The following KNOP1 variants were observed in gnomAD, a reference collection of about 807,000 sequenced individuals.
The protein encoded by KNOP1 is lysine rich nucleolar protein 1.
In KNOP1, 20 loss-of-function variants were observed where a neutral mutation model predicts 30.6. The ratio of observed to expected loss-of-function variants is 0.65; its 90% CI spans 0.46 to 0.95. The LOEUF (loss-of-function observed/expected upper bound fraction) is 0.95, where lower values mean the gene tolerates loss of function less well. Ranked by LOEUF, KNOP1 falls within the 40% of genes least tolerant of loss-of-function variation. The pLI, the probability that KNOP1 is intolerant of heterozygous loss-of-function variation, is 0.00. For synonymous variants in KNOP1, 204 were observed against 210.0 expected (o/e 0.97, Z 0.25); for missense variants, 540 against 562.0 (o/e 0.96, Z 0.40).
At chr16:19,716,936 G>A (rs1278153052) in intron 1 of KNOP1, among the ~76,000 whole-genome samples, 3 of 152,176 alleles carry the variant, frequency 2.0e-5, no homozygotes, top group Admixed American at 1.3e-4. Flanking sequence ...TCCACCTCCC[G>A]GGTTCAAGCA....
intron 3 of KNOP1, 107 bp downstream of exon 3, chr16:19,711,265 T>G: frequency 1.8e-6 from 2 of 1,114,016 alleles, no homozygotes; most frequent in Non-Finnish European, 2.7e-6. Flanking sequence ...CTGGAGTCCC[T>G]GGTGCCCCTG....
At position 19,705,015 on chromosome 16, in the gene KNOP1, G is replaced by A. The variant is rs898202464; in HGVS notation, c.*1895C>T. The A allele has an allele frequency of 2.8e-6, 1 of 361,478 alleles. No individual in the cohort carries two copies. The highest frequency in any genetic ancestry group is 2.1e-5 in the African/African-American group (1 of 46,946). 22.4% of individuals were successfully genotyped at this position (361,478 alleles called of 1,614,324 possible). A position where few individuals can be genotyped will look rare whatever the true frequency, so the allele number is the denominator to read the frequency against. On this transcript the variant is annotated 3_prime_UTR_variant, in exon 5 of 5. Coordinates refer to ENST00000219837, the MANE Select transcript of KNOP1 (RefSeq NM_001012991.3). ...AATCACCAGCCTTCCCATGACAGGG[G>A]CGGGTGCAGCTATGGGCAGATGACT...
chr16:19,714,045 A>G (rs775565510), intron 2 of KNOP1, 73 bp downstream of exon 2: 121 of 1,311,676 alleles, frequency 9.2e-5, no homozygotes, highest in Non-Finnish European at 1.2e-4. Context: ...ACATGCACAC[A>G]CGCCTACACA....
chr16:19,714,574 T>A lies in KNOP1; in HGVS notation c.462A>T (p.Glu154Asp). The stretch of plus-strand genomic sequence containing the variant: ...CTGTGGGGTCCTGGGCCCCCTTTTT[T>A]TCCTTCTTGTGTTTTTTGAGCTTCT... ...VGKKLKKHKK[E>D]KKGAQDPTAF... Residue 154 changes from glutamate to aspartate, a missense_variant, in exon 2 of 5, where the codon GAA becomes GAT. Transcript: ENST00000219837. 6.2e-7 allele frequency: 1 copy of A among 1,614,104 alleles called. No individual in the cohort carries two copies. The highest frequency in any genetic ancestry group is 1.6e-4 in the Middle Eastern group (1 of 6,062).
Position 19,711,298 on chromosome 16 carries a change from C to G in KNOP1, c.987+74G>C, listed in dbSNP as rs962273157. On this transcript the variant is annotated intron_variant, in intron 3 of 4. Coordinates refer to ENST00000219837, the MANE Select transcript of KNOP1 (RefSeq NM_001012991.3). ...CTGAGACCAGGATCACCTAGCCAGCCTGGCAGGCAGCAAGTGAGACTCCAA... is the reference window on the plus strand; with the variant it reads ...CTGAGACCAGGATCACCTAGCCAGCGTGGCAGGCAGCAAGTGAGACTCCAA... 4.2e-5 allele frequency: 62 copies of G among 1,488,896 alleles called. 1 individual carries two copies. In the Middle Eastern group the frequency reaches 1.3e-3, roughly 31 times the overall value. 92.2% of individuals were successfully genotyped at this position (1,488,896 alleles called of 1,614,324 possible). A position where few individuals can be genotyped will look rare whatever the true frequency, so the allele number is the denominator to read the frequency against.
At position 19,707,038 on chromosome 16, in the gene KNOP1, G is replaced by A. The variant is rs777237123; in HGVS notation, c.1249C>T (p.Gln417Ter). 11 of 1,614,170 alleles carry A rather than the reference G, an allele frequency of 6.8e-6. No individual in the cohort carries two copies. In the South Asian group the frequency reaches 1.2e-4, roughly 18 times the overall value. Residue 417 changes from glutamine (Q) to a stop codon, truncating the protein, a stop_gained, in exon 5 of 5, where the codon CAG becomes TAG. Transcript: ENST00000219837. LOFTEE classifies it high-confidence loss of function. ...CTCATGGCCCGGTCGTAGTCCCGCT[G>A]CAGATTCTGCTGCAGGCTGTCAGCC... ...KAADSLQQNL[Q>*]RDYDRAMSWK...
rs372826065 is a variant in KNOP1 at position 19,707,085 on chromosome 16, T to G, written c.1202A>C (p.Asn401Thr). Residue 401 changes from asparagine to threonine, a missense_variant, in exon 5 of 5, where the codon AAC becomes ACC. Transcript: ENST00000219837. ...AGCCGCCTTCTTGCCGAGGGCCATG[T>G]TGGGCCTTGCAATCGTGCTGGCGGG... ...SRPASTIARP[N>T]MALGKKAADS... The G allele has an allele frequency of 6.2e-7, 1 of 1,614,172 alleles. No homozygotes were observed. Among genetic ancestry groups the G allele is most frequent in the South Asian group, 1.1e-5 (1 of 91,084 alleles).
intron 2 of KNOP1, among the ~76,000 whole-genome samples, chr16:19,713,800 A>AAATTG (rs1374272851): frequency 3.9e-5 from 6 of 152,136 alleles, no homozygotes; most frequent in African/African-American, 4.8e-5. Context: ...TTCATCTGAA[A>AAATTG]AATTGATCCC....
Position 19,706,815 on chromosome 16 carries a change from GA to G in KNOP1, c.*94del. The G allele has an allele frequency of 2.2e-6, 3 of 1,352,540 alleles. No homozygotes were observed. The highest frequency in any genetic ancestry group is 3.1e-6 in the Non-Finnish European group (3 of 969,144). 83.8% of individuals were successfully genotyped at this position (1,352,540 alleles called of 1,614,324 possible). A position where few individuals can be genotyped will look rare whatever the true frequency, so the allele number is the denominator to read the frequency against. On this transcript the variant is annotated 3_prime_UTR_variant, in exon 5 of 5. Transcript: ENST00000219837. Reference sequence around the variant, plus strand: ...TCTTACTGCTCGAGGTCCTCACCAAGATCTGATTTTTTCACAAAAAAAATTT... The same window carrying G: ...TCTTACTGCTCGAGGTCCTCACCAAGTCTGATTTTTTCACAAAAAAAATTT...
rs1976641541 is a variant in KNOP1, at chr16:19,710,345, C to T, written c.1065+164G>A. The T allele has an allele frequency of 9.8e-6, 7 of 715,890 alleles. 1 individual carries two copies. Among genetic ancestry groups the T allele is most frequent in the South Asian group, 9.2e-5 (6 of 64,982 alleles). The allele number at this position is 715,890 out of a possible 1,614,324, so 44.3% of individuals were successfully genotyped here. A position where few individuals can be genotyped will look rare whatever the true frequency, so the allele number is the denominator to read the frequency against. Reference sequence around the variant, plus strand: ...CCCTTTTCAGAAGGAAGGAAATTAGCTCAGGACAAATTCTGCTGTGGAGGG... The same window carrying T: ...CCCTTTTCAGAAGGAAGGAAATTAGTTCAGGACAAATTCTGCTGTGGAGGG... On this transcript the variant is annotated intron_variant, in intron 4 of 4. Transcript: ENST00000219837.
rs187246218 is a variant in KNOP1, at chr16:19,703,130, G to A, written c.*3780C>T. 2.6e-4 allele frequency: 40 copies of A among 152,278 alleles called. No individual in the cohort carries two copies. Among genetic ancestry groups the A allele is most frequent in the African/African-American group, 9.1e-4 (38 of 41,560 alleles). 9.4% of individuals were successfully genotyped at this position (152,278 alleles called of 1,614,324 possible). ...TTAAAACATAATGTTGTCATCTGAC[G>A]GTTCTATAGGTCTTAAGTCCGCCTG... On this transcript the variant is annotated 3_prime_UTR_variant, in exon 5 of 5. Coordinates refer to ENST00000219837, the MANE Select transcript of KNOP1 (RefSeq NM_001012991.3).
chr16:19,710,461 G>A (rs1976648508), intron 4 of KNOP1, 48 bp downstream of exon 4: 1 of 1,588,852 alleles, frequency 6.3e-7, no homozygotes, highest in East Asian at 2.2e-5. Context: ...GGAAGCGTCG[G>A]GAGGCCGAGC....
chr16:19,715,300 T>C (rs941545886), intron 1 of KNOP1: 13 of 352,684 alleles, frequency 3.7e-5, no homozygotes, highest in African/African-American at 2.7e-4. Flanking sequence ...AATTTCTCCA[T>C]CTGGAAAATG....
chr16:19,713,742 G>A (rs1057186354), intron 2 of KNOP1, among the ~76,000 whole-genome samples: 10 of 152,148 alleles, frequency 6.6e-5, no homozygotes, highest in Non-Finnish European at 1.5e-4. Context: ...ATGTTACTTG[G>A]TTCCTGAGTT....
intron 4 of KNOP1, among the ~76,000 whole-genome samples, chr16:19,708,463 CTCA>C (rs72432468): frequency 0.21 from 31,675 of 151,904 alleles, 3,698 homozygotes; most frequent in African/African-American, 0.29. Context: ...CCTTGGTGCC[CTCA>C]TCTCTAAGGT....
At chr16:19,717,910 G>A in intron 1 of KNOP1, 1 of 1,095,958 alleles carries the variant, frequency 9.1e-7, no homozygotes. Flanking sequence ...TACCTCCAAG[G>A]CTCCCATGGG....
In KNOP1 at chr16:19,703,300, A is replaced by G. The variant is rs887141700; in HGVS notation, c.*3610T>C. ...TGACCCTTCCCTTCCCATCTTCAAAACCAGCAGTGTCTAGTCAAGTCTTTC... is the reference window on the plus strand; with the variant it reads ...TGACCCTTCCCTTCCCATCTTCAAAGCCAGCAGTGTCTAGTCAAGTCTTTC... On this transcript the variant is annotated 3_prime_UTR_variant, in exon 5 of 5. Transcript: ENST00000219837. The G allele has an allele frequency of 6.6e-6, 1 of 152,012 alleles. No individual in the cohort carries two copies. Among genetic ancestry groups the G allele is most frequent in the African/African-American group, 2.4e-5 (1 of 41,364 alleles). 9.4% of individuals were successfully genotyped at this position (152,012 alleles called of 1,614,324 possible).
chr16:19,717,270 T>C (rs1977185579), intron 1 of KNOP1: 2 of 975,802 alleles, frequency 2.0e-6, no homozygotes, highest in Non-Finnish European at 2.4e-6. Context: ...TGCCCGCGGA[T>C]AATGGGGGAG....
In KNOP1 at chr16:19,706,931, C is replaced by G; in HGVS notation, c.1356G>C (p.Lys452Asn). Residue 452 changes from lysine (K) to asparagine (N), a missense_variant, in exon 5 of 5, where the codon AAG becomes AAC. Coordinates refer to ENST00000219837, the MANE Select transcript of KNOP1 (RefSeq NM_001012991.3). ...GAGTTTAATCTTCCAGCTTGACTGA[C>G]TTGGAAGCGTTCCTGTCAATGTAAA... Reference protein sequence around the residue: ...KIFYIDRNASKSVKLED With the variant: ...KIFYIDRNASNSVKLED 1.9e-6 allele frequency: 3 copies of G among 1,612,686 alleles called. No homozygotes were observed. Among genetic ancestry groups the G allele is most frequent in the Non-Finnish European group, 2.5e-6 (3 of 1,179,988 alleles).
Sources: gnomAD v4.1 joint callset for allele counts (sites outside exome capture counted in the v4.1 genomes callset) on GRCh38, gnomAD v4.1.1 for gene constraint, MANE v1.5 for transcripts, NCBI Gene and HGNC (gene_info 2026-07-23, HGNC 2026-07-21) for gene names.